Variants in SINHCAF observed in about 807,000 individuals in gnomAD.
The protein encoded by SINHCAF is SIN3-HDAC complex associated factor.
Under a neutral mutation model 25.8 loss-of-function variants are expected in SINHCAF, and 3 were observed. The ratio of observed to expected loss-of-function variants is 0.12; its 90% CI spans 0.05 to 0.30. SINHCAF has a LOEUF of 0.30. Ranked by LOEUF, SINHCAF falls within the 10% of genes least tolerant of loss-of-function variation. SINHCAF has a pLI of 1.00. For missense variants in SINHCAF, 121 were observed against 262.3 expected, an observed-to-expected ratio of 0.46 and a Z score of 3.72; for synonymous variants, 70 against 85.5, an observed-to-expected ratio of 0.82 and a Z score of 1.00.
At chr12:31,302,263 G>A (rs1938827028) in intron 1 of SINHCAF, among the ~76,000 whole-genome samples, 1 of 151,614 alleles carries the variant, frequency 6.6e-6, no homozygotes, top group South Asian at 2.1e-4. Context: ...AAATTAAATA[G>A]TGGTATGGTT....
intron 1 of SINHCAF, among the ~76,000 whole-genome samples, chr12:31,316,591 T>TAACGTC (rs1939504265): frequency 6.6e-6 from 1 of 152,138 alleles, no homozygotes; most frequent in Non-Finnish European, 1.5e-5. Flanking sequence ...TTACATCTAA[T>TAACGTC]TAAACACATA....
intron 1 of SINHCAF, among the ~76,000 whole-genome samples, chr12:31,323,453 T>C (rs1183156710): frequency 1.3e-5 from 2 of 152,144 alleles, no homozygotes; most frequent in African/African-American, 4.8e-5. Flanking sequence ...TAACCCTCCT[T>C]AGGACAACTT....
At chr12:31,289,039 A>G (rs1232615784) in intron 4 of SINHCAF, among the ~76,000 whole-genome samples, 1 of 152,214 alleles carries the variant, frequency 6.6e-6, no homozygotes, top group Admixed American at 6.5e-5. Context: ...TAAAAACCAC[A>G]GTGGATGGGC....
At chr12:31,323,102 C>T (rs192652510) in intron 1 of SINHCAF, among the ~76,000 whole-genome samples, 36 of 152,228 alleles carry the variant, frequency 2.4e-4, no homozygotes, top group Admixed American at 1.2e-3. Context: ...TTCCAAAAGG[C>T]CCAACTCCCT....
At chr12:31,296,402 C>T (rs1938550639) in intron 2 of SINHCAF, among the ~76,000 whole-genome samples, 1 of 151,962 alleles carries the variant, frequency 6.6e-6, no homozygotes, top group African/African-American at 2.4e-5. Flanking sequence ...CTGGGCTCAA[C>T]TGATCTGTCC....
At chr12:31,297,145 T>C (rs1232675231) in intron 2 of SINHCAF, 3 of 334,588 alleles carry the variant, frequency 9.0e-6, no homozygotes, top group Non-Finnish European at 1.8e-5. Context: ...TTGTTAATCC[T>C]GGACTTTTTA....
intron 1 of SINHCAF, chr12:31,298,477 A>G (rs932630996): frequency 1.0e-5 from 4 of 397,466 alleles, no homozygotes; most frequent in Admixed American, 4.2e-5. Context: ...CAAACATGCA[A>G]TCTAAAAATG....
At chr12:31,289,186 A>C (rs570845480) in intron 4 of SINHCAF, among the ~76,000 whole-genome samples, 1 of 152,150 alleles carries the variant, frequency 6.6e-6, no homozygotes, top group Non-Finnish European at 1.5e-5. Flanking sequence ...ACATACATCT[A>C]CATTCATGTC....
At chr12:31,316,403 G>A (rs1266106250) in intron 1 of SINHCAF, among the ~76,000 whole-genome samples, 1 of 152,072 alleles carries the variant, frequency 6.6e-6, no homozygotes, top group African/African-American at 2.4e-5. Context: ...CTACTTTAAA[G>A]CTGTGGGTTT....
chr12:31,301,765 A>C (rs925999269), intron 1 of SINHCAF, among the ~76,000 whole-genome samples: 1 of 152,234 alleles, frequency 6.6e-6, no homozygotes, highest in East Asian at 1.9e-4. Context: ...ACAAAAAAAA[A>C]ACACTACTTA....
At chr12:31,306,982 A>ACATCTGT (rs1939050497) in intron 1 of SINHCAF, among the ~76,000 whole-genome samples, 1 of 152,214 alleles carries the variant, frequency 6.6e-6, no homozygotes, top group Admixed American at 6.5e-5. Flanking sequence ...CAAGTAAGAT[A>ACATCTGT]CATCTGTAAA....
intron 1 of SINHCAF, among the ~76,000 whole-genome samples, chr12:31,315,673 G>A (rs1360248539): frequency 6.6e-6 from 1 of 152,204 alleles, no homozygotes; most frequent in East Asian, 1.9e-4. Context: ...TCCTGGGCCA[G>A]AAAGAAATTT....
chr12:31,309,810 A>C lies in SINHCAF; in HGVS notation c.-20-11586T>G, dbSNP rs550017448. Reference sequence around the variant, plus strand: ...CCTCCGGAGTAGCTGGGATCACAGGAATGCACCACCACGCTCGGCTAATTT... The same window carrying C: ...CCTCCGGAGTAGCTGGGATCACAGGCATGCACCACCACGCTCGGCTAATTT... On this transcript the variant is annotated intron_variant, in intron 1 of 5. Coordinates refer to ENST00000337682, the MANE Select transcript of SINHCAF (RefSeq NM_001135812.2). Among the ~76,000 whole-genome samples, 160 of 151,888 alleles carry C rather than the reference A, an allele frequency of 1.1e-3. 1 individual carries two copies. The highest frequency in any genetic ancestry group is 1.7e-3 in the Non-Finnish European group (114 of 67,930).
intron 1 of SINHCAF, among the ~76,000 whole-genome samples, chr12:31,319,391 G>A (rs1425681877): frequency 1.3e-5 from 2 of 152,196 alleles, no homozygotes; most frequent in Non-Finnish European, 2.9e-5. Context: ...AGCCCAGCCT[G>A]GTGGCGTGCG....
At chr12:31,294,996 C>T (rs538093032) in intron 3 of SINHCAF, among the ~76,000 whole-genome samples, 1 of 152,260 alleles carries the variant, frequency 6.6e-6, no homozygotes, top group East Asian at 1.9e-4. Context: ...TGAATGCTTA[C>T]TGTGAATCTC....
rs751436938 is a variant in SINHCAF at position 31,305,696 on chromosome 12, ATT to A, written c.-20-7474_-20-7473del. On this transcript the variant is annotated intron_variant, in intron 1 of 5. Coordinates refer to ENST00000337682, the MANE Select transcript of SINHCAF (RefSeq NM_001135812.2). ...AATCAAAATACGGAAATATAGGCCA[ATT>A]TTTTTTTTTTTTTTTTTTTGAGACT... Among the ~76,000 whole-genome samples the A allele has an allele frequency of 9.6e-4, 126 of 130,738 alleles. 1 individual carries two copies. In the East Asian group the frequency reaches 0.018, roughly 18 times the overall value. The allele number at this position is 130,738 out of a possible 152,430, so 85.8% of individuals were successfully genotyped here.
intron 1 of SINHCAF, chr12:31,311,602 G>C (rs1163564145): frequency 2.8e-6 from 1 of 352,264 alleles, no homozygotes; most frequent in Non-Finnish European, 5.4e-6. Context: ...CAGCCCCCTG[G>C]ACCCAGGGCC....
intron 1 of SINHCAF, chr12:31,323,966 C>G (rs1939826535): frequency 2.2e-6 from 1 of 456,016 alleles, no homozygotes; most frequent in Non-Finnish European, 4.4e-6. Context: ...GTGCTTCCCC[C>G]TCGGGCACTC....
intron 1 of SINHCAF, chr12:31,323,812 C>A: frequency 2.5e-6 from 1 of 393,058 alleles, no homozygotes; most frequent in South Asian, 1.8e-5. Flanking sequence ...GTTTATCGGG[C>A]GTCGTCGGGG....
Sources: gnomAD v4.1 joint callset for allele counts (sites outside exome capture counted in the v4.1 genomes callset) on GRCh38, gnomAD v4.1.1 for gene constraint, MANE v1.5 for transcripts, NCBI Gene and HGNC (gene_info 2026-07-23, HGNC 2026-07-21) for gene names.